Variants in BEND4 observed in about 807,000 individuals in gnomAD.
The protein encoded by BEND4 is BEN domain-containing protein 4.
Under a neutral mutation model 54.7 loss-of-function variants are expected in BEND4, and 27 were observed. That is an observed-to-expected ratio of 0.49 (90% CI 0.36 to 0.68). BEND4 has a LOEUF of 0.68. Ranked by LOEUF, BEND4 falls within the 30% of genes least tolerant of loss-of-function variation. The probability of loss-of-function intolerance (pLI) is 0.00; values close to 1 mark genes in which losing one functional copy is unlikely to be tolerated. For missense variants in BEND4, 702 were observed against 697.2 expected (o/e 1.01, Z -0.08); for synonymous variants, 327 against 299.5 (o/e 1.09, Z -0.95).
intron 3 of BEND4, among the ~76,000 whole-genome samples, chr4:42,139,721 A>G: frequency 6.6e-6 from 1 of 152,058 alleles, no homozygotes; most frequent in East Asian, 1.9e-4. Flanking sequence ...CTAACTGCTG[A>G]GCGTTGCGTT....
intron 4 of BEND4, among the ~76,000 whole-genome samples, chr4:42,123,309 T>C (rs369908735): frequency 2.6e-5 from 4 of 152,188 alleles, no homozygotes; most frequent in East Asian, 3.8e-4. Flanking sequence ...TATGTAGATA[T>C]TTCCCCTATC....
chr4:42,152,149 G>C lies in BEND4; in HGVS notation c.-6C>G. ...GGCTGCATCTCTTCCTCCATCCGGC[G>C]CCTCGGGGCCGGTCCCTCGGAGCAC... On this transcript the variant is annotated 5_prime_UTR_variant, in exon 2 of 6. Transcript: ENST00000502486. The C allele has an allele frequency of 8.1e-6, 10 of 1,242,042 alleles. No individual in the cohort carries two copies. Among genetic ancestry groups the C allele is most frequent in the Non-Finnish European group, 1.0e-5 (10 of 984,902 alleles). 76.9% of individuals were successfully genotyped at this position (1,242,042 alleles called of 1,614,324 possible).
chr4:42,143,752 C>A lies in BEND4; in HGVS notation c.730G>T (p.Ala244Ser). The A allele has an allele frequency of 6.2e-7, 1 of 1,613,966 alleles. No individual in the cohort carries two copies. Among genetic ancestry groups the A allele is most frequent in the Non-Finnish European group, 8.5e-7 (1 of 1,179,858 alleles). The change falls in exon 3 of 6, where the codon GCC becomes TCC. Residue 244 changes from alanine to serine, a missense_variant. Coordinates refer to ENST00000502486, the MANE Select transcript of BEND4 (RefSeq NM_207406.4). ...GAGTCAGTGAAAACCCTCAAAAAGG[C>A]AGAAGTTTGTTGTTTCCTTTGCATA... is the stretch of plus-strand genomic sequence containing the variant. Reference protein sequence around the residue: ...QYMQRKQQTSAFLRVFTDSLQ... With the variant: ...QYMQRKQQTSSFLRVFTDSLQ...
At chr4:42,133,899 C>A (rs963036244) in intron 3 of BEND4, among the ~76,000 whole-genome samples, 1 of 152,134 alleles carries the variant, frequency 6.6e-6, no homozygotes, top group Non-Finnish European at 1.5e-5. Context: ...CTACTGTATA[C>A]AGTTATTGTG....
At chr4:42,139,762 GT>G (rs1407424710) in intron 3 of BEND4, among the ~76,000 whole-genome samples, 2 of 152,066 alleles carry the variant, frequency 1.3e-5, no homozygotes, top group African/African-American at 4.8e-5. Flanking sequence ...CTGCTTGGCT[GT>G]AAAAAAGTGA....
rs532666245 is a variant in BEND4 at position 42,118,059 on chromosome 4, G to A, written c.1388-324C>T. ...ATGTCTGGTGTAAGTCAAGGAGACAGATTTCAAAACCCAAGTTGTTACCTG... is the reference window on the plus strand; with the variant it reads ...ATGTCTGGTGTAAGTCAAGGAGACAAATTTCAAAACCCAAGTTGTTACCTG... On this transcript the variant is annotated intron_variant, in intron 5 of 5. Coordinates refer to ENST00000502486, the MANE Select transcript of BEND4 (RefSeq NM_207406.4). 4.6e-5 allele frequency among the ~76,000 whole-genome samples: 7 copies of A among 152,304 alleles called. No individual in the cohort carries two copies. In the East Asian group the frequency reaches 1.3e-3, roughly 29 times the overall value.
At chr4:42,131,134 G>T (rs916271842) in intron 3 of BEND4, among the ~76,000 whole-genome samples, 13 of 152,144 alleles carry the variant, frequency 8.5e-5, no homozygotes, top group African/African-American at 2.9e-4. Context: ...TTGCGTAGGT[G>T]ATGGGTTGAC....
chr4:42,123,358 T>C (rs945947493), intron 4 of BEND4, among the ~76,000 whole-genome samples: 2 of 152,208 alleles, frequency 1.3e-5, no homozygotes. Context: ...TATTTTCAAT[T>C]AGCCACCCAC....
At chr4:42,141,887 A>G (rs887532196) in intron 3 of BEND4, among the ~76,000 whole-genome samples, 1 of 152,174 alleles carries the variant, frequency 6.6e-6, no homozygotes, top group Non-Finnish European at 1.5e-5. Context: ...ATAAATGTGT[A>G]TATTTGTGGG....
chr4:42,134,692 A>G (rs574180167), intron 3 of BEND4, among the ~76,000 whole-genome samples: 33 of 152,362 alleles, frequency 2.2e-4, no homozygotes, highest in Admixed American at 2.0e-3. Context: ...ATGACGTGCT[A>G]TGAAAAGTGC....
At chr4:42,142,329 G>A (rs1378120844) in intron 3 of BEND4, among the ~76,000 whole-genome samples, 3 of 150,448 alleles carry the variant, frequency 2.0e-5, no homozygotes, top group Non-Finnish European at 4.4e-5. Flanking sequence ...AAAGATAAAA[G>A]TAAAATCACG....
At chr4:42,146,660 T>A (rs1307872631) in intron 2 of BEND4, among the ~76,000 whole-genome samples, 1 of 152,240 alleles carries the variant, frequency 6.6e-6, no homozygotes, top group East Asian at 1.9e-4. Context: ...TTTTCAATTC[T>A]AGCACAACAG....
chr4:42,128,021 G>A (rs1463626588), intron 3 of BEND4, among the ~76,000 whole-genome samples: 2 of 152,148 alleles, frequency 1.3e-5, no homozygotes, highest in African/African-American at 4.8e-5. Flanking sequence ...ACCATTAGCT[G>A]GGTGTGGTGA....
At chr4:42,139,529 A>G (rs1289829939) in intron 3 of BEND4, among the ~76,000 whole-genome samples, 2 of 149,004 alleles carry the variant, frequency 1.3e-5, no homozygotes, top group African/African-American at 4.9e-5. Context: ...GTAGACTGAT[A>G]GGCTTGTTTA....
chr4:42,117,970 C>A (rs1381669869), intron 5 of BEND4, among the ~76,000 whole-genome samples: 1 of 151,990 alleles, frequency 6.6e-6, no homozygotes, highest in Non-Finnish European at 1.5e-5. Flanking sequence ...GAGGGTAATC[C>A]CTCTAAGGAA....
At position 42,152,295 on chromosome 4, in the gene BEND4, T is replaced by A. The variant is rs1437773319; in HGVS notation, c.-152A>T. 2 of 721,676 alleles carry A rather than the reference T, an allele frequency of 2.8e-6. No individual in the cohort carries two copies. The highest frequency in any genetic ancestry group is 3.8e-6 in the Non-Finnish European group (2 of 531,530). The allele number at this position is 721,676 out of a possible 1,614,324, so 44.7% of individuals were successfully genotyped here. ...TGCCGTGGCCGCCGCCGCCGCCGCC[T>A]GTCGCTGAGGCTGGCATCGCCGAGC... On this transcript the variant is annotated 5_prime_UTR_variant, in exon 2 of 6. Coordinates refer to ENST00000502486, the MANE Select transcript of BEND4 (RefSeq NM_207406.4).
chr4:42,127,062 G>A (rs540097848), intron 3 of BEND4, among the ~76,000 whole-genome samples: 4 of 151,984 alleles, frequency 2.6e-5, no homozygotes, highest in Admixed American at 6.5e-5. Flanking sequence ...TCTAAATTTC[G>A]TGTTTCTCAC....
rs528031756 is a variant in BEND4 at position 42,149,087 on chromosome 4, C to A, written c.487+2570G>T. Among the ~76,000 whole-genome samples, 232 of 152,298 alleles carry A rather than the reference C, an allele frequency of 1.5e-3. 4 individuals carry two copies. The highest frequency in any genetic ancestry group is 5.4e-3 in the African/African-American group (224 of 41,554). ...GTTACGTCTCTTCTTCTGTCCTTGACTCATTTCGTAACATGAATGTTTTGA... is the reference window on the plus strand; with the variant it reads ...GTTACGTCTCTTCTTCTGTCCTTGAATCATTTCGTAACATGAATGTTTTGA... On this transcript the variant is annotated intron_variant, in intron 2 of 5. Transcript: ENST00000502486.
rs536131552 is a variant in BEND4 at position 42,126,832 on chromosome 4, G to A, written c.1055-1158C>T. ...TGGAGACCTGCCTGGGCAATATAGC[G>A]AGACCCTGTTCTCCAGAAAAAGGAA... On this transcript the variant is annotated intron_variant, in intron 3 of 5. Transcript: ENST00000502486. 5.9e-5 allele frequency among the ~76,000 whole-genome samples: 9 copies of A among 152,178 alleles called. No homozygotes were observed. The East Asian group carries it at 9.6e-4, about 16-fold the overall frequency.
Sources: allele counts gnomAD v4.1 joint callset (sites outside exome capture counted in the v4.1 genomes callset), GRCh38; gene constraint gnomAD v4.1.1; transcripts MANE v1.5; gene names NCBI Gene and HGNC (gene_info 2026-07-23, HGNC 2026-07-21).